ARHGAP23: variants seen among roughly 807,000 people sequenced by gnomAD.
The protein encoded by ARHGAP23 is rho GTPase-activating protein 23.
A neutral mutation model predicts 136.3 loss-of-function variants in ARHGAP23; 34 were observed. The ratio of observed to expected loss-of-function variants is 0.25; its 90% CI spans 0.19 to 0.33. The LOEUF (loss-of-function observed/expected upper bound fraction) is 0.33, where lower values mean the gene tolerates loss of function less well. ARHGAP23 is among the 10% of genes least tolerant of loss of function. The pLI is 1.00. For synonymous variants in ARHGAP23, 832 were observed against 920.5 expected (o/e 0.90, Z 1.74); for missense variants, 1,808 against 2,139.0 (o/e 0.85, Z 3.05).
At chr17:38,492,249 T>A (rs1726699252) in intron 20 of ARHGAP23, among the ~76,000 whole-genome samples, 1 of 152,148 alleles carries the variant, frequency 6.6e-6, no homozygotes, top group South Asian at 2.1e-4. Flanking sequence ...CGCCTTCTGG[T>A]GTGCACACGG....
intron 23 of ARHGAP23, among the ~76,000 whole-genome samples, chr17:38,501,554 G>C (rs2040521223): frequency 1.0e-5 from 1 of 98,492 alleles, no homozygotes; most frequent in Non-Finnish European, 2.4e-5. Flanking sequence ...GTCCCCCTTG[G>C]CCTCCGAAAG....
chr17:38,498,851 T>C (rs2040452706), intron 22 of ARHGAP23: 1 of 695,068 alleles, frequency 1.4e-6, no homozygotes, highest in Non-Finnish European at 2.6e-6. Flanking sequence ...CCTTTTCTCC[T>C]TGCACCCCCG....
upstream of ARHGAP23, among the ~76,000 whole-genome samples, chr17:38,424,800 C>T (rs927224186): frequency 2.0e-5 from 3 of 152,230 alleles, no homozygotes; most frequent in Non-Finnish European, 4.4e-5. Context: ...CCTCATTTTC[C>T]TTATCCATAG....
rs1189993202 is a variant in ARHGAP23 at position 38,510,877 on chromosome 17, G to T, written c.4381G>T (p.Ala1461Ser). Reference protein sequence around the residue: ...ESTKARAPSSAASQPPAPGDT... With the variant: ...ESTKARAPSSSASQPPAPGDT... ...CACCAAGGCGCGGGCCCCGTCGTCCGCTGCCTCGCAGCCGCCCGCGCCCGG... is the reference window on the plus strand; with the variant it reads ...CACCAAGGCGCGGGCCCCGTCGTCCTCTGCCTCGCAGCCGCCCGCGCCCGG... The change falls in exon 24 of 24, where the codon GCT (alanine) becomes TCT (serine). Residue 1461 changes from alanine (A) to serine (S), a missense_variant. Coordinates refer to ENST00000622683, the MANE Select transcript of ARHGAP23 (RefSeq NM_001199417.2). This position sits in a 1 kb window ranked among gnomAD's most constrained non-coding sequence, Gnocchi z 4.6. 3 of 1,495,544 alleles carry T rather than the reference G, an allele frequency of 2.0e-6. No homozygotes were observed. The highest frequency in any genetic ancestry group is 1.8e-6 in the Non-Finnish European group (2 of 1,130,440). The allele number at this position is 1,495,544 out of a possible 1,614,324, so 92.6% of individuals were successfully genotyped here.
At chr17:38,480,625 C>A (rs1000433289) in intron 14 of ARHGAP23, among the ~76,000 whole-genome samples, 7 of 150,598 alleles carry the variant, frequency 4.6e-5, no homozygotes, top group Admixed American at 4.0e-4. Context: ...CAGAGCGAGA[C>A]TCCATCTCAA....
intron 1 of ARHGAP23, among the ~76,000 whole-genome samples, chr17:38,431,295 C>G (rs567840145): frequency 3.3e-5 from 5 of 152,344 alleles, no homozygotes; most frequent in African/African-American, 1.2e-4. Flanking sequence ...GCCCATAGCA[C>G]TGGGCCAGGG....
intron 23 of ARHGAP23, among the ~76,000 whole-genome samples, chr17:38,501,448 C>T (rs2040517848): frequency 6.6e-6 from 1 of 151,992 alleles, no homozygotes; most frequent in African/African-American, 2.4e-5. Flanking sequence ...ACTACAGGCG[C>T]CCACCATCAC....
rs148098371 is a variant in ARHGAP23, at chr17:38,507,808, G to A, written c.3448-2136G>A. Among the ~76,000 whole-genome samples, 64 of 152,320 alleles carry A rather than the reference G, an allele frequency of 4.2e-4. 1 individual carries two copies. In the East Asian group the frequency reaches 0.011, roughly 26 times the overall value. ...ACATGCCTGTGACTCCTGAGTCCCT[G>A]ACATGCTCTGGTTTTCTCAGAACTA... On this transcript the variant is annotated intron_variant, in intron 23 of 23. Transcript: ENST00000622683.
At chr17:38,474,634 G>T (rs961805272) in intron 11 of ARHGAP23, among the ~76,000 whole-genome samples, 4 of 152,154 alleles carry the variant, frequency 2.6e-5, no homozygotes, top group African/African-American at 9.7e-5. Flanking sequence ...CTCTGAGGGC[G>T]TGGCACTAGA....
Position 38,510,160 on chromosome 17 carries a change from G to GC in ARHGAP23, c.3669dup (p.Glu1224ArgfsTer42). On this transcript the variant is annotated frameshift_variant, in exon 24 of 24. Coordinates refer to ENST00000622683, the MANE Select transcript of ARHGAP23 (RefSeq NM_001199417.2). LOFTEE classifies it high-confidence loss of function. The surrounding 1 kb of genome is among the most constrained non-coding windows in gnomAD (Gnocchi z 4.6). Reference sequence around the variant, plus strand: ...GCAGGGGCCGCTGCCTGGCGCCGTCGCCCCCGAGGCCCCCGGACGCCTCAG... The same window carrying GC: ...GCAGGGGCCGCTGCCTGGCGCCGTCGCCCCCCGAGGCCCCCGGACGCCTCAG... The GC allele has an allele frequency of 7.8e-7, 1 of 1,284,738 alleles. No individual in the cohort carries two copies. Among genetic ancestry groups the GC allele is most frequent in the South Asian group, 2.9e-5 (1 of 34,358 alleles). 79.6% of individuals were successfully genotyped at this position (1,284,738 alleles called of 1,614,324 possible).
At chr17:38,507,134 T>A (rs2040651047) in intron 23 of ARHGAP23, among the ~76,000 whole-genome samples, 1 of 151,598 alleles carries the variant, frequency 6.6e-6, no homozygotes, top group Non-Finnish European at 1.5e-5. Flanking sequence ...ATTAGCCAGG[T>A]GTGGTGGTGT....
chr17:38,460,062 T>C (rs1266913657), intron 2 of ARHGAP23, among the ~76,000 whole-genome samples: 2 of 152,306 alleles, frequency 1.3e-5, no homozygotes, highest in East Asian at 1.9e-4. Context: ...GAGATGACGC[T>C]GAAGGTCTGA....
intron 1 of ARHGAP23, among the ~76,000 whole-genome samples, chr17:38,431,971 C>T (rs2038695174): frequency 6.6e-6 from 1 of 152,186 alleles, no homozygotes; most frequent in Non-Finnish European, 1.5e-5. Context: ...GTATCCTGTT[C>T]ATCTCTGTGT....
intron 1 of ARHGAP23, among the ~76,000 whole-genome samples, chr17:38,431,868 C>A (rs1424843097): frequency 1.3e-5 from 2 of 152,330 alleles, no homozygotes; most frequent in East Asian, 3.9e-4. Flanking sequence ...GTGGTTGGTT[C>A]TGTCCTTCGT....
Position 38,511,174 on chromosome 17 carries a change from G to A in ARHGAP23, c.*202G>A, listed in dbSNP as rs2040757758. On this transcript the variant is annotated 3_prime_UTR_variant, in exon 24 of 24. Transcript: ENST00000622683. Reference sequence around the variant, plus strand: ...TGGGGCCGGACTAATTGAATGGAAGGGGGTTCCAGAGGTGATGAGCAGAAG... The same window carrying A: ...TGGGGCCGGACTAATTGAATGGAAGAGGGTTCCAGAGGTGATGAGCAGAAG... The A allele has an allele frequency of 3.5e-6, 2 of 578,494 alleles. No individual in the cohort carries two copies. The highest frequency in any genetic ancestry group is 5.5e-6 in the Non-Finnish European group (2 of 361,982). The allele number at this position is 578,494 out of a possible 1,614,324, so 35.8% of individuals were successfully genotyped here.
At chr17:38,431,308 C>A (rs143413674) in intron 1 of ARHGAP23, among the ~76,000 whole-genome samples, 1 of 152,214 alleles carries the variant, frequency 6.6e-6, no homozygotes, top group African/African-American at 2.4e-5. Context: ...GGCCAGGGCT[C>A]GGTTCACTGG....
At position 38,463,374 on chromosome 17, in the gene ARHGAP23, CTCCAGCTGGTGAG is replaced by C; in HGVS notation, c.482_483+11del. ...TATCATGCCCAAGGACGAGGACATCCTCCAGCTGGTGAGTCCAGCCCCTGTGGCCTGAGAGGAG... is the reference window on the plus strand; with the variant it reads ...TATCATGCCCAAGGACGAGGACATCCTCCAGCCCCTGTGGCCTGAGAGGAG... On this transcript the variant is annotated splice_donor_variant and splice_donor_5th_base_variant and coding_sequence_variant and intron_variant, in exon 6 of 24. Transcript: ENST00000622683. LOFTEE classifies it high-confidence loss of function. 6.4e-7 allele frequency: 1 copy of C among 1,551,714 alleles called. No individual in the cohort carries two copies. The highest frequency in any genetic ancestry group is 8.7e-7 in the Non-Finnish European group (1 of 1,146,980).
chr17:38,490,146 C>T lies in ARHGAP23; in HGVS notation c.3031C>T (p.Arg1011Trp), dbSNP rs761771854. ...CGAGGCCAACCGCATTGAGGACGCG[C>T]GGGAGCGAATGAGGACGCTGCGGAA... ...FIEANRIEDA[R>W]ERMRTLRKLI... is the part of the protein sequence containing the mutation. The change falls in exon 18 of 24, where the codon CGG (arginine) becomes TGG (tryptophan). Residue 1011 changes from arginine to tryptophan, a missense_variant. This residue lies in a region of ARHGAP23 where 105 missense variants were observed against 200.6 expected (regional missense o/e 0.52). Transcript: ENST00000622683. The T allele has an allele frequency of 3.8e-5, 59 of 1,551,652 alleles. 2 individuals carry two copies. The South Asian group carries it at 4.5e-4, about 12-fold the overall frequency.
intron 16 of ARHGAP23, 45 bp from the exon 17 acceptor site, chr17:38,486,017 A>G (rs2040152205): frequency 5.9e-6 from 9 of 1,527,702 alleles, no homozygotes; most frequent in South Asian, 1.2e-5. Context: ...AGGCATGGGC[A>G]TCGGGCTGGG....
Sources: allele counts gnomAD v4.1 joint callset (sites outside exome capture counted in the v4.1 genomes callset), GRCh38; gene constraint gnomAD v4.1.1; regional missense constraint gnomAD v4.1.1; non-coding constraint Gnocchi (gnomAD v3.1); transcripts MANE v1.5; gene names NCBI Gene and HGNC (gene_info 2026-07-23, HGNC 2026-07-21).